NSMF: variants seen among roughly 807,000 people sequenced by gnomAD.
NSMF encodes nasal embryonic LHRH factor.
A neutral mutation model predicts 71.0 loss-of-function variants in NSMF; 31 were observed. The ratio of observed to expected loss-of-function variants is 0.44; its 90% CI spans 0.33 to 0.59. The LOEUF is 0.59. Among genes scored for constraint, NSMF ranks in the 20% least tolerant of loss-of-function variants. NSMF has a pLI of 0.04. For synonymous variants in NSMF, 345 were observed against 287.1 expected, an observed-to-expected ratio of 1.20 and a Z score of -2.04; for missense variants, 673 against 740.5, an observed-to-expected ratio of 0.91 and a Z score of 1.06.
Position 137,452,538 on chromosome 9 carries a change from C to G in NSMF, c.1165+15G>C, listed in dbSNP as rs1830588602. On this transcript the variant is annotated intron_variant, in intron 11 of 15. Coordinates refer to ENST00000371475, the MANE Select transcript of NSMF (RefSeq NM_001130969.3). Reference sequence around the variant, plus strand: ...GGCCTGGAACCAGCAGAGAGAAGGCCAATGAGGCACATACCAAGGATGTCC... The same window carrying G: ...GGCCTGGAACCAGCAGAGAGAAGGCGAATGAGGCACATACCAAGGATGTCC... 1.9e-6 allele frequency: 3 copies of G among 1,612,480 alleles called. No homozygotes were observed. The highest frequency in any genetic ancestry group is 2.5e-6 in the Non-Finnish European group (3 of 1,179,958).
intron 4 of NSMF, 134 bp from the exon 5 acceptor site, chr9:137,455,768 C>T (rs1830802405): frequency 6.3e-6 from 6 of 946,536 alleles, no homozygotes; most frequent in Non-Finnish European, 9.9e-6. Context: ...CACAGGTAAC[C>T]CAGCCACCAG....
intron 9 of NSMF, 111 bp downstream of exon 9, chr9:137,452,945 C>T (rs552355357): frequency 1.9e-6 from 3 of 1,572,202 alleles, no homozygotes; most frequent in South Asian, 1.1e-5. Context: ...GAGACACCCT[C>T]CCCCAGGCAG....
In NSMF at chr9:137,453,552, T is replaced by G; in HGVS notation, c.922+179A>C. 1.6e-6 allele frequency: 1 copy of G among 621,700 alleles called. No individual in the cohort carries two copies. The allele number at this position is 621,700 out of a possible 1,614,324, so 38.5% of individuals were successfully genotyped here. A position where few individuals can be genotyped will look rare whatever the true frequency, so the allele number is the denominator to read the frequency against. The stretch of plus-strand genomic sequence containing the variant: ...CCCCCGGCCAGCACTGCCGCGGCCG[T>G]TGTTAGCCCCGCCTTTGCGATCGGA... On this transcript the variant is annotated intron_variant, in intron 8 of 15. Coordinates refer to ENST00000371475, the MANE Select transcript of NSMF (RefSeq NM_001130969.3). This position sits in a 1 kb window ranked among gnomAD's most constrained non-coding sequence, Gnocchi z 4.5.
In NSMF at chr9:137,456,410, C is replaced by T. The variant is rs761831367; in HGVS notation, c.704+1G>A. The T allele has an allele frequency of 6.2e-7, 1 of 1,611,634 alleles. No homozygotes were observed. On this transcript the variant is annotated splice_donor_variant, in intron 4 of 15. Coordinates refer to ENST00000371475, the MANE Select transcript of NSMF (RefSeq NM_001130969.3). LOFTEE classifies it high-confidence loss of function. ...CCCCAAGTCGTGGGCACAAGACTCA[C>T]GCTTGCATAGTTGTGGTTGCTGTCT...
chr9:137,452,301 C>T (rs1830574639), intron 12 of NSMF, 64 bp downstream of exon 12: 2 of 1,533,224 alleles, frequency 1.3e-6, no homozygotes, highest in Non-Finnish European at 1.8e-6. Flanking sequence ...GACTTCTTCC[C>T]CTTGGTCTTC....
Position 137,455,181 on chromosome 9 carries a change from G to A in NSMF, c.779+58C>T, listed in dbSNP as rs918810998. Reference sequence around the variant, plus strand: ...GGTCTGCCAGGGCCGAGGGGGCCCAGGCCAGGCCAGCACAGACCAGAGATG... The same window carrying A: ...GGTCTGCCAGGGCCGAGGGGGCCCAAGCCAGGCCAGCACAGACCAGAGATG... On this transcript the variant is annotated intron_variant, in intron 6 of 15. Transcript: ENST00000371475. The A allele has an allele frequency of 1.7e-5, 27 of 1,582,648 alleles. No homozygotes were observed. In the African/African-American group the frequency reaches 3.0e-4, roughly 17 times the overall value.
At chr9:137,454,319 G>C (rs1052979941) in intron 7 of NSMF, 72 bp downstream of exon 7, 1 of 1,427,562 alleles carries the variant, frequency 7.0e-7, no homozygotes. Context: ...TCTTATCGCA[G>C]CTAGCAGCAA....
chr9:137,458,775 G>T (rs1332476708), intron 1 of NSMF, among the ~76,000 whole-genome samples: 2 of 152,146 alleles, frequency 1.3e-5, no homozygotes. Flanking sequence ...TCGCGAGGCC[G>T]GTCGGCTGCT....
chr9:137,453,261 C>G lies in NSMF; in HGVS notation c.923-81G>C. On this transcript the variant is annotated intron_variant, in intron 8 of 15. Transcript: ENST00000371475. This position sits in a 1 kb window ranked among gnomAD's most constrained non-coding sequence, Gnocchi z 4.5. ...CCATGGCCCCAAGGCCCACAGGGCC[C>G]GAAAGCCCCATCCCGGAGGGTCCTC... 3 of 1,592,282 alleles carry G rather than the reference C, an allele frequency of 1.9e-6. No homozygotes were observed. The highest frequency in any genetic ancestry group is 2.6e-6 in the Non-Finnish European group (3 of 1,172,822).
Position 137,454,793 on chromosome 9 carries a change from C to G in NSMF, c.780-350G>C. 3 of 1,382,422 alleles carry G rather than the reference C, an allele frequency of 2.2e-6. No individual in the cohort carries two copies. In the South Asian group the frequency reaches 4.1e-5, roughly 19 times the overall value. 85.6% of individuals were successfully genotyped at this position (1,382,422 alleles called of 1,614,324 possible). ...TGGCAGAGGATCCAGCCTGCCTGCGCTGCAGCAGAGCGGGGCTCCTGTCTG... is the reference window on the plus strand; with the variant it reads ...TGGCAGAGGATCCAGCCTGCCTGCGGTGCAGCAGAGCGGGGCTCCTGTCTG... On this transcript the variant is annotated intron_variant, in intron 6 of 15. Coordinates refer to ENST00000371475, the MANE Select transcript of NSMF (RefSeq NM_001130969.3).
chr9:137,456,517 G>A, intron 3 of NSMF, 31 bp from the exon 4 acceptor site: 1 of 1,463,178 alleles, frequency 6.8e-7, no homozygotes, highest in South Asian at 1.1e-5. Context: ...CGGTGGCTGG[G>A]TGAAGTAGGG....
intron 14 of NSMF, 30 bp downstream of exon 14, chr9:137,449,893 G>A (rs752758547): frequency 1.9e-5 from 30 of 1,574,654 alleles, no homozygotes; most frequent in Non-Finnish European, 2.4e-5. Context: ...GTTTCCAGAG[G>A]TCTGGGGTGG....
At chr9:137,457,979 G>A in intron 2 of NSMF, 78 bp from the exon 3 acceptor site, 2 of 1,531,432 alleles carry the variant, frequency 1.3e-6, no homozygotes, top group Admixed American at 3.9e-5. Context: ...CGAAGGCAGA[G>A]AACACCCAGT....
Position 137,457,398 on chromosome 9 carries a change from A to G in NSMF, c.628+9T>C. On this transcript the variant is annotated intron_variant, in intron 3 of 15. Transcript: ENST00000371475. ...CAAACCTGTCTATGCCCTGACACAA[A>G]CCCCTCACCAGACACACGGTCAACG... 1 of 1,612,316 alleles carries G rather than the reference A, an allele frequency of 6.2e-7. No individual in the cohort carries two copies. The highest frequency in any genetic ancestry group is 1.3e-5 in the African/African-American group (1 of 74,822).
Position 137,458,699 on chromosome 9 carries a change from T to G in NSMF, c.72-150A>C. On this transcript the variant is annotated intron_variant, in intron 1 of 15. Coordinates refer to ENST00000371475, the MANE Select transcript of NSMF (RefSeq NM_001130969.3). ...TCCCCCTCCGGGAGCCCACACACCC[T>G]TGGTCCTGGTGCGCCCTGGCCAGGC... 2.1e-5 allele frequency: 17 copies of G among 806,616 alleles called. No homozygotes were observed. In the South Asian group the frequency reaches 2.5e-4, roughly 12 times the overall value. The allele number at this position is 806,616 out of a possible 1,614,324, so 50.0% of individuals were successfully genotyped here.
In NSMF at chr9:137,452,448, G is replaced by A. The variant is rs781275840; in HGVS notation, c.1166-13C>T. ...CTCTCTATCTCCTCTGTGGGAGAGC[G>A]GGTGTGAGTGCTGCGGCCCCCACCC... On this transcript the variant is annotated splice_polypyrimidine_tract_variant and intron_variant, in intron 11 of 15. Coordinates refer to ENST00000371475, the MANE Select transcript of NSMF (RefSeq NM_001130969.3). 4.2e-5 allele frequency: 67 copies of A among 1,612,170 alleles called. No individual in the cohort carries two copies. Among genetic ancestry groups the A allele is most frequent in the Non-Finnish European group, 4.3e-5 (51 of 1,179,754 alleles).
chr9:137,450,366 C>A, intron 12 of NSMF, 111 bp from the exon 13 acceptor site: 1 of 827,798 alleles, frequency 1.2e-6, no homozygotes, highest in East Asian at 2.5e-5. Context: ...CCCGGCCACG[C>A]TTCTTCCCCT....
chr9:137,454,380 C>G lies in NSMF; in HGVS notation c.832+11G>C, dbSNP rs1322942283. On this transcript the variant is annotated intron_variant, in intron 7 of 15. Transcript: ENST00000371475. ...ACGCCGCCCCCCCACCCCCGCCGCA[C>G]GGGGTCTTACTCTGGGCCTTCACCC... 2 of 1,549,794 alleles carry G rather than the reference C, an allele frequency of 1.3e-6. No homozygotes were observed. The highest frequency in any genetic ancestry group is 1.7e-6 in the Non-Finnish European group (2 of 1,146,716).
At chr9:137,452,993 G>A in intron 9 of NSMF, 63 bp downstream of exon 9, 7 of 1,607,400 alleles carry the variant, frequency 4.4e-6, no homozygotes, top group Non-Finnish European at 5.9e-6. Flanking sequence ...GAGCTGGCTG[G>A]ACTCGGGTTG....
Sources: allele counts gnomAD v4.1 joint callset (sites outside exome capture counted in the v4.1 genomes callset), GRCh38; gene constraint gnomAD v4.1.1; non-coding constraint Gnocchi (gnomAD v3.1); transcripts MANE v1.5; gene names NCBI Gene and HGNC (gene_info 2026-07-23, HGNC 2026-07-21).